LUZP2: variants seen among roughly 807,000 people sequenced by gnomAD.
LUZP2 encodes leucine zipper protein 2.
In LUZP2, 52 loss-of-function variants were observed where a neutral mutation model predicts 51.6. That is an observed-to-expected ratio of 1.01 (90% confidence interval 0.81 to 1.27). LUZP2 has a LOEUF of 1.27. Among genes scored for constraint, LUZP2 ranks in the 50% most tolerant of loss-of-function variants. The pLI is 0.00. For missense variants in LUZP2, 436 were observed against 395.4 expected, an observed-to-expected ratio of 1.10 and a Z score of -0.87; for synonymous variants, 154 against 137.3, an observed-to-expected ratio of 1.12 and a Z score of -0.85.
chr11:24,692,835 A>G (rs1443517332), intron 1 of LUZP2, among the ~76,000 whole-genome samples: 1 of 152,026 alleles, frequency 6.6e-6, no homozygotes, highest in Non-Finnish European at 1.5e-5. Flanking sequence ...TTCATAAAAC[A>G]AAGAAAATAC....
chr11:24,819,490 G>A (rs1238018491), intron 5 of LUZP2, among the ~76,000 whole-genome samples: 1 of 152,014 alleles, frequency 6.6e-6, no homozygotes, highest in Non-Finnish European at 1.5e-5. Context: ...CGTTTCTGTT[G>A]ACGTATATGC....
intron 9 of LUZP2, among the ~76,000 whole-genome samples, chr11:24,988,837 CT>C (rs1331550933): frequency 6.6e-6 from 1 of 151,884 alleles, no homozygotes; most frequent in Non-Finnish European, 1.5e-5. Flanking sequence ...AGGACAATAT[CT>C]TTTTTACATT....
intron 1 of LUZP2, among the ~76,000 whole-genome samples, chr11:24,629,063 A>G (rs1362405113): frequency 6.6e-6 from 1 of 152,156 alleles, no homozygotes; most frequent in Non-Finnish European, 1.5e-5. Context: ...AATTTATCTT[A>G]TCAGCTGATA....
intron 4 of LUZP2, among the ~76,000 whole-genome samples, chr11:24,745,917 A>G (rs1859364286): frequency 6.6e-6 from 1 of 152,106 alleles, no homozygotes; most frequent in African/African-American, 2.4e-5. Context: ...ACCTCAGGTG[A>G]TCCACCAGCC....
intron 1 of LUZP2, among the ~76,000 whole-genome samples, chr11:24,697,490 C>T (rs971448279): frequency 3.9e-5 from 6 of 152,210 alleles, no homozygotes; most frequent in African/African-American, 1.4e-4. Flanking sequence ...TATCTTGCCT[C>T]TAACCTCACA....
At chr11:24,831,655 C>T (rs949725046) in intron 5 of LUZP2, among the ~76,000 whole-genome samples, 5 of 152,004 alleles carry the variant, frequency 3.3e-5, no homozygotes, top group South Asian at 2.1e-4. Flanking sequence ...TTGCTATGAA[C>T]GTTGTAGCAT....
chr11:24,660,794 A>G (rs371717549), intron 1 of LUZP2, among the ~76,000 whole-genome samples: 3 of 152,128 alleles, frequency 2.0e-5, no homozygotes, highest in Non-Finnish European at 2.9e-5. Context: ...GATTTTTCCA[A>G]ACCTTATTTT....
chr11:25,041,157 G>A (rs973808185), intron 9 of LUZP2, among the ~76,000 whole-genome samples: 78 of 152,020 alleles, frequency 5.1e-4, no homozygotes, highest in African/African-American at 1.7e-3. Flanking sequence ...TTATCTGCAG[G>A]GGATATTTTC....
At chr11:24,895,254 C>T (rs959624462) in intron 5 of LUZP2, among the ~76,000 whole-genome samples, 2 of 152,024 alleles carry the variant, frequency 1.3e-5, no homozygotes, top group East Asian at 3.9e-4. Context: ...TGGAAGAACC[C>T]AGCAAGTGGG....
intron 5 of LUZP2, among the ~76,000 whole-genome samples, chr11:24,862,961 T>C (rs1307968207): frequency 6.6e-6 from 1 of 152,200 alleles, no homozygotes; most frequent in East Asian, 1.9e-4. Flanking sequence ...GGTGCTAATG[T>C]AATTTTCAAT....
At chr11:24,962,139 C>G (rs1199396578) in intron 7 of LUZP2, among the ~76,000 whole-genome samples, 1 of 152,092 alleles carries the variant, frequency 6.6e-6, no homozygotes, top group African/African-American at 2.4e-5. Flanking sequence ...ATGGGCTTCC[C>G]TTTGTGGGTA....
At chr11:24,780,947 T>G (rs544075569) in intron 5 of LUZP2, among the ~76,000 whole-genome samples, 1 of 152,234 alleles carries the variant, frequency 6.6e-6, no homozygotes, top group South Asian at 2.1e-4. Flanking sequence ...TCATTCACAG[T>G]TTTTATGTGA....
At chr11:24,897,710 G>T (rs1276897051) in intron 5 of LUZP2, among the ~76,000 whole-genome samples, 1 of 152,284 alleles carries the variant, frequency 6.6e-6, no homozygotes, top group East Asian at 1.9e-4. Context: ...AAGTCAGTGA[G>T]ACCAAGAACC....
intron 5 of LUZP2, among the ~76,000 whole-genome samples, chr11:24,782,624 C>T (rs1365482832): frequency 6.6e-6 from 1 of 152,004 alleles, no homozygotes; most frequent in African/African-American, 2.4e-5. Context: ...TCTTCCTCTT[C>T]CTCCTCCTTT....
chr11:25,055,011 C>CTTTT (rs71044332), intron 10 of LUZP2, among the ~76,000 whole-genome samples: 18 of 79,004 alleles, frequency 2.3e-4, no homozygotes, highest in African/African-American at 3.1e-4. Context: ...TTTTTCTTTT[C>CTTTT]TTTTTTTTTT....
At position 24,983,272 on chromosome 11, in the gene LUZP2, A is replaced by C. The variant is rs75747459; in HGVS notation, c.744A>C (p.Pro248=). 11,820 of 1,611,782 alleles carry C rather than the reference A, an allele frequency of 7.3e-3. 524 individuals carry two copies. In the African/African-American group the frequency reaches 0.11, roughly 15 times the overall value. Residue 248 remains proline, a synonymous_variant, in exon 9 of 12, where the codon CCA becomes CCC. Transcript: ENST00000336930. Reference sequence around the variant, plus strand: ...CCAGGAATATTGCCTCTAAGCTTCCAGATGCAGCGGCCAAAAGCAAGGTAC... The same window carrying C: ...CCAGGAATATTGCCTCTAAGCTTCCCGATGCAGCGGCCAAAAGCAAGGTAC... ...LPPRNIASKL[P]DAAAKSKPQQ... is the part of the protein sequence containing the mutation.
chr11:24,557,716 TATAA>T (rs1470786247), intron 1 of LUZP2, among the ~76,000 whole-genome samples: 1 of 152,182 alleles, frequency 6.6e-6, no homozygotes, highest in Non-Finnish European at 1.5e-5. Context: ...ATCTAATATT[TATAA>T]ATAAATTTTC....
intron 1 of LUZP2, among the ~76,000 whole-genome samples, chr11:24,587,862 T>A (rs191579386): frequency 8.5e-5 from 13 of 152,050 alleles, no homozygotes; most frequent in Non-Finnish European, 1.5e-4. Flanking sequence ...ATTATACAGA[T>A]GTGTCAGAGG....
At chr11:24,737,342 A>G (rs1858980511) in intron 3 of LUZP2, among the ~76,000 whole-genome samples, 1 of 152,022 alleles carries the variant, frequency 6.6e-6, no homozygotes, top group Non-Finnish European at 1.5e-5. Flanking sequence ...TGGAAGTTTT[A>G]AATTAGTTTA....
Sources: gnomAD v4.1 joint callset for allele counts (sites outside exome capture counted in the v4.1 genomes callset) on GRCh38, gnomAD v4.1.1 for gene constraint, MANE v1.5 for transcripts, NCBI Gene and HGNC (gene_info 2026-07-23, HGNC 2026-07-21) for gene names.